The following MAGI1 variants were observed in gnomAD, a reference collection of about 807,000 sequenced individuals.
The protein encoded by MAGI1 is membrane associated guanylate kinase, WW and PDZ domain containing 1.
Under a neutral mutation model 139.9 loss-of-function variants are expected in MAGI1, and 58 were observed. The observed-to-expected ratio is 0.41, with a 90% CI of 0.34 to 0.52. MAGI1 has a LOEUF of 0.52. Ranked by LOEUF, MAGI1 falls within the 20% of genes least tolerant of loss-of-function variation. The pLI is 0.12. For synonymous variants in MAGI1, 812 were observed against 737.9 expected (o/e 1.10, Z -1.63); for missense variants, 1,874 against 1,901.6 (o/e 0.99, Z 0.27).
intron 1 of MAGI1, among the ~76,000 whole-genome samples, chr3:65,833,153 T>C (rs943253247): frequency 6.6e-6 from 1 of 151,788 alleles, no homozygotes; most frequent in Non-Finnish European, 1.5e-5. Flanking sequence ...AATCTCACTC[T>C]GTCACCCAGG....
chr3:65,848,296 T>G (rs763512413), intron 1 of MAGI1, among the ~76,000 whole-genome samples: 13 of 152,170 alleles, frequency 8.5e-5, no homozygotes, highest in Non-Finnish European at 1.3e-4. Context: ...GCGAGCTAAG[T>G]GAAGCAAAGC....
At chr3:66,024,876 C>T (rs1239245065) in intron 1 of MAGI1, among the ~76,000 whole-genome samples, 1 of 152,022 alleles carries the variant, frequency 6.6e-6, no homozygotes, top group Admixed American at 6.6e-5. Context: ...TAAACAATTC[C>T]AGTAGAAGGT....
intron 14 of MAGI1, among the ~76,000 whole-genome samples, chr3:65,390,083 A>T (rs1334544745): frequency 6.6e-6 from 1 of 152,186 alleles, no homozygotes; most frequent in Non-Finnish European, 1.5e-5. Flanking sequence ...AAGGAAGCAC[A>T]GCATGGCCAA....
chr3:65,869,545 C>T (rs952884025), intron 1 of MAGI1, among the ~76,000 whole-genome samples: 6 of 151,538 alleles, frequency 4.0e-5, no homozygotes, highest in Admixed American at 2.6e-4. Context: ...GGACTACAGG[C>T]ACCCGCCACC....
chr3:65,692,959 TC>T (rs1559792770), intron 1 of MAGI1, among the ~76,000 whole-genome samples: 1 of 151,944 alleles, frequency 6.6e-6, no homozygotes, highest in African/African-American at 2.4e-5. Context: ...GCAGACAGGG[TC>T]TTGCTCTGTT....
intron 2 of MAGI1, among the ~76,000 whole-genome samples, chr3:65,616,392 G>C (rs956350865): frequency 6.6e-6 from 1 of 152,166 alleles, no homozygotes; most frequent in Non-Finnish European, 1.5e-5. Flanking sequence ...AACATCTGTG[G>C]TTAAATAGAA....
intron 1 of MAGI1, among the ~76,000 whole-genome samples, chr3:65,766,069 T>C (rs920602309): frequency 4.6e-5 from 7 of 152,220 alleles, no homozygotes; most frequent in African/African-American, 1.7e-4. Context: ...TGCTTGTTTA[T>C]TTAACAGCTA....
intron 1 of MAGI1, among the ~76,000 whole-genome samples, chr3:65,979,380 G>A (rs553629448): frequency 6.6e-6 from 1 of 152,250 alleles, no homozygotes; most frequent in Non-Finnish European, 1.5e-5. Flanking sequence ...TTCAGGAGCA[G>A]TTGGCTGAAA....
At chr3:65,956,297 G>T (rs935362728) in intron 1 of MAGI1, among the ~76,000 whole-genome samples, 1 of 152,126 alleles carries the variant, frequency 6.6e-6, no homozygotes, top group Non-Finnish European at 1.5e-5. Flanking sequence ...ACTCGGTGAG[G>T]AATTTAAAAT....
chr3:65,864,487 T>C (rs972745970), intron 1 of MAGI1, among the ~76,000 whole-genome samples: 1 of 152,230 alleles, frequency 6.6e-6, no homozygotes, highest in Admixed American at 6.5e-5. Flanking sequence ...TGGGGAAGCC[T>C]GGACTGTCAA....
intron 1 of MAGI1, among the ~76,000 whole-genome samples, chr3:66,014,701 A>C (rs2067527249): frequency 6.6e-6 from 1 of 152,224 alleles, no homozygotes; most frequent in Non-Finnish European, 1.5e-5. Context: ...AAGAGGCCTT[A>C]TCAAATCATT....
intron 12 of MAGI1, among the ~76,000 whole-genome samples, chr3:65,427,308 T>C (rs552841778): frequency 6.6e-6 from 1 of 152,066 alleles, no homozygotes; most frequent in Non-Finnish European, 1.5e-5. Flanking sequence ...TGAGACCCTG[T>C]CTCAAAAATA....
At chr3:65,719,948 A>G (rs1053608466) in intron 1 of MAGI1, 2 of 152,212 alleles carry the variant, frequency 1.3e-5, no homozygotes, top group Admixed American at 6.5e-5. Context: ...TTAATTGTCT[A>G]TAGTTTATTT....
At chr3:66,024,792 G>A in intron 1 of MAGI1, among the ~76,000 whole-genome samples, 1 of 152,124 alleles carries the variant, frequency 6.6e-6, no homozygotes, top group East Asian at 1.9e-4. Flanking sequence ...GGCAACAAGA[G>A]TGAGACTCCG....
intron 1 of MAGI1, among the ~76,000 whole-genome samples, chr3:65,979,407 G>C (rs192117841): frequency 6.6e-6 from 1 of 152,152 alleles, no homozygotes; most frequent in East Asian, 1.9e-4. Flanking sequence ...TGGGACATGT[G>C]GTTTCAGCTA....
intron 1 of MAGI1, among the ~76,000 whole-genome samples, chr3:65,815,766 T>C (rs11925073): frequency 2.6e-3 from 389 of 152,296 alleles, no homozygotes; most frequent in African/African-American, 8.8e-3. Flanking sequence ...TCATATACCT[T>C]ATCTTAATTA....
intron 2 of MAGI1, among the ~76,000 whole-genome samples, chr3:65,609,512 C>G (rs1468679227): frequency 6.6e-6 from 1 of 152,084 alleles, no homozygotes; most frequent in East Asian, 1.9e-4. Flanking sequence ...CTCCCGACCT[C>G]AAGCAATCCA....
intron 2 of MAGI1, among the ~76,000 whole-genome samples, chr3:65,541,970 G>A (rs191520867): frequency 5.3e-5 from 8 of 152,302 alleles, no homozygotes; most frequent in Admixed American, 2.0e-4. Flanking sequence ...AGGAAAAGAA[G>A]AAGTCAAATT....
rs113562374 is a variant in MAGI1, at chr3:65,439,928, TTGCTGCTGCTGC to T, written c.1209_1220del (p.Gln418_Gln421del). 3.2e-5 allele frequency: 52 copies of T among 1,604,388 alleles called. No homozygotes were observed. The South Asian group carries it at 5.1e-4, about 16-fold the overall frequency. ...GCTGCTGCTGCTGTTGCTGCTGCTG[TTGCTGCTGCTGC>T]TGCTGCTCAAGCTGCTTCTTCCGTT... On this transcript the variant is annotated inframe_deletion, in exon 9 of 23. Coordinates refer to ENST00000402939, the MANE Select transcript of MAGI1 (RefSeq NM_001033057.2).
Sources: gnomAD v4.1 joint callset for allele counts (sites outside exome capture counted in the v4.1 genomes callset) on GRCh38, gnomAD v4.1.1 for gene constraint, MANE v1.5 for transcripts, NCBI Gene and HGNC (gene_info 2026-07-23, HGNC 2026-07-21) for gene names.